Variants in ARHGEF33 observed in about 807,000 individuals in gnomAD.
ARHGEF33 encodes the protein DH and coiled-coil domain-containing protein ENSP00000381780.
ARHGEF33 carries 72 observed loss-of-function variants against 101.9 expected under a neutral mutation model. That is an observed-to-expected ratio of 0.71 (90% CI 0.58 to 0.86). ARHGEF33 has a LOEUF of 0.86. Among genes scored for constraint, ARHGEF33 ranks in the 40% least tolerant of loss-of-function variants. ARHGEF33 has a pLI of 0.00. For missense variants in ARHGEF33, 1,169 were observed against 1,111.3 expected, an observed-to-expected ratio of 1.05 and a Z score of -0.74; for synonymous variants, 499 against 442.5, an observed-to-expected ratio of 1.13 and a Z score of -1.60.
At chr2:38,920,398 C>CTTTTTT in intron 3 of ARHGEF33, among the ~76,000 whole-genome samples, 1 of 77,822 alleles carries the variant, frequency 1.3e-5, no homozygotes, top group Non-Finnish European at 2.3e-5. Flanking sequence ...TCTTTCTTTC[C>CTTTTTT]TTTTTTTTTT....
intron 2 of ARHGEF33, among the ~76,000 whole-genome samples, chr2:38,896,576 A>C (rs745590847): frequency 6.6e-6 from 1 of 152,268 alleles, no homozygotes; most frequent in South Asian, 2.1e-4. Context: ...CATGTGGGCT[A>C]GGTAACTATT....
intron 9 of ARHGEF33, 35 bp downstream of exon 9, chr2:38,937,594 A>G: frequency 8.1e-7 from 1 of 1,229,904 alleles, no homozygotes; most frequent in Non-Finnish European, 1.2e-6. Context: ...CTAATAGTTT[A>G]AAGAACAGGA....
chr2:38,929,653 G>T, intron 5 of ARHGEF33, 56 bp from the exon 6 acceptor site: 1 of 1,450,248 alleles, frequency 6.9e-7, no homozygotes, highest in South Asian at 1.3e-5. Flanking sequence ...GCTAGATTAT[G>T]TTATATACTT....
At chr2:38,896,841 C>G (rs1666133028) in intron 2 of ARHGEF33, among the ~76,000 whole-genome samples, 1 of 152,194 alleles carries the variant, frequency 6.6e-6, no homozygotes, top group Admixed American at 6.5e-5. Context: ...TAACCCCATT[C>G]CTCTTTCCAA....
chr2:38,960,639 A>C lies in ARHGEF33; in HGVS notation c.2334A>C (p.Glu778Asp). Residue 778 changes from glutamate to aspartate, a missense_variant, in exon 16 of 18, where the codon GAA becomes GAC. Glu to Asp is a conservative substitution (Grantham distance 45). Coordinates refer to ENST00000409978, the MANE Select transcript of ARHGEF33 (RefSeq NM_001145451.5). ...AAAGCGAAAAACAGACCTATTTGGA[A>C]GTAAGGAGGGTAAAGTAAAACCGAA... ...RSQSEKQTYL[E>D]VRREMHLEDT... The C allele has an allele frequency of 7.1e-7, 1 of 1,414,372 alleles. No homozygotes were observed. Among genetic ancestry groups the C allele is most frequent in the East Asian group, 3.7e-5 (1 of 26,886 alleles). The allele number at this position is 1,414,372 out of a possible 1,614,324, so 87.6% of individuals were successfully genotyped here.
At chr2:38,927,909 G>A (rs938304466) in intron 4 of ARHGEF33, among the ~76,000 whole-genome samples, 1 of 152,072 alleles carries the variant, frequency 6.6e-6, no homozygotes, top group Non-Finnish European at 1.5e-5. Flanking sequence ...TAAATACAAC[G>A]AACTTTAGAA....
chr2:38,959,564 G>C, intron 15 of ARHGEF33: 1 of 360,692 alleles, frequency 2.8e-6, no homozygotes, highest in Non-Finnish European at 5.0e-6. Flanking sequence ...GGTGAGGAGG[G>C]TCAGGGCTTC....
intron 10 of ARHGEF33, among the ~76,000 whole-genome samples, chr2:38,944,595 A>G (rs1014518630): frequency 6.6e-6 from 1 of 152,188 alleles, no homozygotes; most frequent in African/African-American, 2.4e-5. Context: ...ATTTTCATCA[A>G]TGTAAGAAAA....
At chr2:38,929,257 C>G (rs137944865) in intron 5 of ARHGEF33, among the ~76,000 whole-genome samples, 186 bp downstream of exon 5, 1 of 151,990 alleles carries the variant, frequency 6.6e-6, no homozygotes, top group African/African-American at 2.4e-5. Context: ...GGTGAAACCC[C>G]GTCTCTACTA....
intron 16 of ARHGEF33, among the ~76,000 whole-genome samples, chr2:38,963,693 TG>T (rs1391856357): frequency 1.3e-5 from 2 of 152,200 alleles, no homozygotes; most frequent in Admixed American, 1.3e-4. Context: ...TCTCAAAATA[TG>T]GGGGTATTAG....
At chr2:38,940,574 T>C (rs1667278549) in intron 9 of ARHGEF33, among the ~76,000 whole-genome samples, 1 of 152,158 alleles carries the variant, frequency 6.6e-6, no homozygotes, top group Admixed American at 6.5e-5. Context: ...TTGTTGCTGT[T>C]GTTGATTTTT....
At chr2:38,895,459 A>G (rs1666099027) in intron 1 of ARHGEF33, among the ~76,000 whole-genome samples, 1 of 152,186 alleles carries the variant, frequency 6.6e-6, no homozygotes, top group African/African-American at 2.4e-5. Context: ...GATTCAGCAA[A>G]GCCCCCTAAG....
chr2:38,931,686 G>A (rs1010900374), intron 7 of ARHGEF33, among the ~76,000 whole-genome samples: 5 of 152,058 alleles, frequency 3.3e-5, no homozygotes, highest in African/African-American at 1.2e-4. Context: ...CTGACCTTAG[G>A]GATGTTAGAA....
intron 6 of ARHGEF33, among the ~76,000 whole-genome samples, chr2:38,930,587 C>T (rs183968783): frequency 2.0e-5 from 3 of 152,224 alleles, no homozygotes; most frequent in African/African-American, 7.2e-5. Flanking sequence ...CTCAAGTGAT[C>T]CTCCCACCTT....
At chr2:38,905,515 G>A (rs1666368971) in intron 2 of ARHGEF33, among the ~76,000 whole-genome samples, 1 of 152,208 alleles carries the variant, frequency 6.6e-6, no homozygotes, top group African/African-American at 2.4e-5. Context: ...TACAGATGAG[G>A]AAATGGAAGC....
intron 16 of ARHGEF33, 101 bp from the exon 17 acceptor site, chr2:38,965,905 A>T: frequency 1.4e-6 from 2 of 1,409,670 alleles, no homozygotes; most frequent in Non-Finnish European, 1.9e-6. Context: ...GTCTTTTGGC[A>T]TGGGAGAGGA....
At chr2:38,935,952 T>TA (rs1447209420) in intron 8 of ARHGEF33, 118 bp downstream of exon 8, 8 of 861,978 alleles carry the variant, frequency 9.3e-6, no homozygotes, top group Non-Finnish European at 1.1e-5. Flanking sequence ...TCACAAAAGA[T>TA]AAAGTTATGA....
At chr2:38,950,652 G>GA (rs1667576632) in intron 10 of ARHGEF33, among the ~76,000 whole-genome samples, 1 of 152,136 alleles carries the variant, frequency 6.6e-6, no homozygotes, top group Non-Finnish European at 1.5e-5. Context: ...GTTTCACCAT[G>GA]TTGGCCAGGC....
At position 38,944,906 on chromosome 2, in the gene ARHGEF33, C is replaced by T. The variant is rs1288576297; in HGVS notation, c.920+876C>T. On this transcript the variant is annotated intron_variant, in intron 10 of 17. Transcript: ENST00000409978. ...GTGTGTGTGTGTGTGTGTGTGCGCG[C>T]TCATAGGGTCTGCCACCTGTTGTAA... 4.1e-5 allele frequency among the ~76,000 whole-genome samples: 3 copies of T among 72,540 alleles called. No individual in the cohort carries two copies. The South Asian group carries it at 1.1e-3, about 26-fold the overall frequency. The allele number at this position is 72,540 out of a possible 152,430, so 47.6% of individuals were successfully genotyped here. A position where few individuals can be genotyped will look rare whatever the true frequency, so the allele number is the denominator to read the frequency against.
Sources: gnomAD v4.1 joint callset for allele counts (sites outside exome capture counted in the v4.1 genomes callset) on GRCh38, gnomAD v4.1.1 for gene constraint, MANE v1.5 for transcripts, NCBI Gene and HGNC (gene_info 2026-07-23, HGNC 2026-07-21) for gene names.